Variants in TKTL1 observed in about 807,000 individuals in gnomAD.
TKTL1 encodes the protein transketolase-like protein 1.
Under a neutral mutation model 39.3 loss-of-function variants are expected in TKTL1, and 1 was observed. The ratio of observed to expected loss-of-function variants is 0.03; its 90% CI spans 0.01 to 0.12. TKTL1 has a LOEUF of 0.12. TKTL1 is among the 10% of genes least tolerant of loss of function. TKTL1 has a pLI of 1.00. For synonymous variants in TKTL1, 262 were observed against 193.8 expected (o/e 1.35, Z -2.92); for missense variants, 575 against 509.6 (o/e 1.13, Z -1.24).
chrX:154,315,299 G>C lies in TKTL1; in HGVS notation c.991G>C (p.Glu331Gln). The change falls in exon 7 of 13, where the codon GAG (glutamate) becomes CAG (glutamine). Residue 331 changes from glutamate to glutamine, a missense_variant. Coordinates refer to ENST00000369915, the MANE Select transcript of TKTL1 (RefSeq NM_012253.4). ...TGAGATATTCAACAAGGAGTACCCTGAGCGCTTCATCGAGTGCTTTATGGC... is the reference window on the plus strand; with the variant it reads ...TGAGATATTCAACAAGGAGTACCCTCAGCGCTTCATCGAGTGCTTTATGGC... Reference protein sequence around the residue: ...FSEIFNKEYPERFIECFMAEQ... With the variant: ...FSEIFNKEYPQRFIECFMAEQ... 1 of 1,211,362 alleles carries C rather than the reference G, an allele frequency of 8.3e-7. No individual in the cohort carries two copies. Among genetic ancestry groups the C allele is most frequent in the Non-Finnish European group, 1.1e-6 (1 of 895,269 alleles).
At chrX:154,306,035 A>G (rs887508649) in intron 2 of TKTL1, among the ~76,000 whole-genome samples, 1 of 111,164 alleles carries the variant, frequency 9.0e-6, no homozygotes, top group African/African-American at 3.3e-5. Flanking sequence ...GGCCGGGTGC[A>G]GTGGCTCACG....
At chrX:154,318,089 G>GA (rs1386860963) in intron 7 of TKTL1, among the ~76,000 whole-genome samples, 1 of 110,829 alleles carries the variant, frequency 9.0e-6, no homozygotes, top group Non-Finnish European at 1.9e-5. Context: ...TTTTTGTAGA[G>GA]ATGGAGTCTT....
chrX:154,318,971 T>C (rs1313509886), intron 7 of TKTL1, among the ~76,000 whole-genome samples: 5 of 111,674 alleles, frequency 4.5e-5, no homozygotes, highest in African/African-American at 1.3e-4. Context: ...AATTATAATA[T>C]AGGCTTCTGA....
chrX:154,327,456 A>T (rs1325906697), intron 10 of TKTL1, 135 bp from the exon 11 acceptor site: 1 of 608,849 alleles, frequency 1.6e-6, no homozygotes, highest in Non-Finnish European at 2.9e-6. Flanking sequence ...AATGCATCTG[A>T]TTTTTTTAGT....
intron 1 of TKTL1, among the ~76,000 whole-genome samples, chrX:154,297,687 C>G (rs1309554414): frequency 9.0e-6 from 1 of 110,904 alleles, no homozygotes; most frequent in Non-Finnish European, 1.9e-5. Flanking sequence ...ACCTGTAATC[C>G]CAGGACTTTG....
At position 154,329,896 on chromosome X, in the gene TKTL1, A is replaced by C; in HGVS notation, c.*208A>C. On this transcript the variant is annotated 3_prime_UTR_variant, in exon 13 of 13. Coordinates refer to ENST00000369915, the MANE Select transcript of TKTL1 (RefSeq NM_012253.4). ...CAAGTACCGCTCTAATTTTTGGATCATTAAAGGGAGTTACACAACTTTTAA... is the reference window on the plus strand; with the variant it reads ...CAAGTACCGCTCTAATTTTTGGATCCTTAAAGGGAGTTACACAACTTTTAA... 1 of 384,059 alleles carries C rather than the reference A, an allele frequency of 2.6e-6. No homozygotes were observed. Among genetic ancestry groups the C allele is most frequent in the South Asian group, 7.2e-5 (1 of 13,914 alleles). 31.7% of individuals were successfully genotyped at this position (384,059 alleles called of 1,213,427 possible). A position where few individuals can be genotyped will look rare whatever the true frequency, so the allele number is the denominator to read the frequency against.
chrX:154,327,788 T>C (rs1557172278), intron 11 of TKTL1, 51 bp from the exon 12 acceptor site: 1 of 1,209,194 alleles, frequency 8.3e-7, no homozygotes, highest in African/African-American at 1.7e-5. Flanking sequence ...TATCCCTGCA[T>C]GTTATTCTGA....
intron 8 of TKTL1, among the ~76,000 whole-genome samples, chrX:154,322,184 G>A (rs1451940615): frequency 1.1e-5 from 1 of 90,629 alleles, no homozygotes; most frequent in Non-Finnish European, 2.1e-5. Context: ...AGTGAGCCAA[G>A]ATCACACCAC....
chrX:154,311,778 T>C (rs976093662), intron 5 of TKTL1, among the ~76,000 whole-genome samples: 9 of 111,588 alleles, frequency 8.1e-5, no homozygotes, highest in African/African-American at 2.9e-4. Flanking sequence ...AAAACTGTTC[T>C]GTGACTCCTA....
chrX:154,312,461 G>T, intron 5 of TKTL1, 119 bp from the exon 6 acceptor site: 1 of 701,173 alleles, frequency 1.4e-6, no homozygotes, highest in Non-Finnish European at 2.1e-6. Context: ...TCTGTGCCAG[G>T]TGTTCCTCCT....
chrX:154,304,900 T>C (rs62617806), intron 1 of TKTL1: 37 of 684,265 alleles, frequency 5.4e-5, no homozygotes, highest in Non-Finnish European at 7.1e-5. Context: ...TCTCAGTCTG[T>C]CACCGTTCAC....
At chrX:154,326,281 T>G (rs1318549269) in intron 10 of TKTL1, among the ~76,000 whole-genome samples, 2 of 112,040 alleles carry the variant, frequency 1.8e-5, no homozygotes, top group African/African-American at 6.5e-5. Flanking sequence ...AGCCTGCCTG[T>G]CAGGGCCATG....
rs2067504567 is a variant in TKTL1, at chrX:154,327,822, T to G, written c.1499-17T>G. ...GAGTCTCTTTCTTGTACCAAGCTGG[T>G]TTTTGCTGTTCTGCAGATATTTTTA... is the stretch of plus-strand genomic sequence containing the variant. On this transcript the variant is annotated splice_polypyrimidine_tract_variant and intron_variant, in intron 11 of 12. Coordinates refer to ENST00000369915, the MANE Select transcript of TKTL1 (RefSeq NM_012253.4). The G allele has an allele frequency of 1.7e-6, 2 of 1,209,396 alleles. No homozygotes were observed. Among genetic ancestry groups the G allele is most frequent in the African/African-American group, 3.5e-5 (2 of 57,056 alleles).
chrX:154,316,088 A>AT (rs1288984538), intron 7 of TKTL1, among the ~76,000 whole-genome samples: 2 of 111,458 alleles, frequency 1.8e-5, no homozygotes, highest in Non-Finnish European at 1.9e-5. Flanking sequence ...TTTAAAAAAA[A>AT]TTTTTTTAGA....
At chrX:154,309,476 C>CT in intron 3 of TKTL1, 34 bp downstream of exon 3, 1 of 1,088,932 alleles carries the variant, frequency 9.2e-7, no homozygotes, top group Non-Finnish European at 1.3e-6. Context: ...TTTAACTGCC[C>CT]TACATCTACA....
chrX:154,303,532 C>T (rs12861292), intron 1 of TKTL1, among the ~76,000 whole-genome samples: 2 of 104,599 alleles, frequency 1.9e-5, no homozygotes, highest in African/African-American at 7.0e-5. Context: ...CGCCTGGCCT[C>T]TCCCTCCTTT....
chrX:154,327,814 C>G (rs2067504518), intron 11 of TKTL1, 25 bp from the exon 12 acceptor site: 1 of 1,210,941 alleles, frequency 8.3e-7, no homozygotes, highest in Non-Finnish European at 1.1e-6. Context: ...TTTCTTGTAC[C>G]AAGCTGGTTT....
intron 6 of TKTL1, 66 bp from the exon 7 acceptor site, chrX:154,315,107 T>C (rs1557169069): frequency 2.8e-6 from 3 of 1,075,899 alleles, no homozygotes; most frequent in Non-Finnish European, 3.8e-6. Context: ...GGTACCTTCC[T>C]TCTGTAGTCG....
chrX:154,315,416 T>C, intron 7 of TKTL1, 79 bp downstream of exon 7: 1 of 1,013,881 alleles, frequency 9.9e-7, no homozygotes, highest in Non-Finnish European at 1.3e-6. Flanking sequence ...TGCTAGTTTT[T>C]CTTTCCATTT....
Sources: allele counts gnomAD v4.1 joint callset (sites outside exome capture counted in the v4.1 genomes callset), GRCh38; gene constraint gnomAD v4.1.1; transcripts MANE v1.5; gene names NCBI Gene and HGNC (gene_info 2026-07-23, HGNC 2026-07-21).